The following PCDH15 variants were observed in gnomAD, a reference collection of about 807,000 sequenced individuals.
The protein encoded by PCDH15 is protocadherin-15.
A neutral mutation model predicts 178.5 loss-of-function variants in PCDH15; 129 were observed. The ratio of observed to expected loss-of-function variants is 0.72; its 90% CI spans 0.63 to 0.84. The LOEUF (loss-of-function observed/expected upper bound fraction) is 0.84, where lower values mean the gene tolerates loss of function less well. PCDH15 is among the 40% of genes least tolerant of loss of function. The pLI is 0.00. For synonymous variants in PCDH15, 800 were observed against 732.0 expected (o/e 1.09, Z -1.50); for missense variants, 2,230 against 2,099.9 (o/e 1.06, Z -1.21).
chr10:54,908,433 A>G (rs1231882245), intron 2 of PCDH15, among the ~76,000 whole-genome samples: 5 of 152,124 alleles, frequency 3.3e-5, no homozygotes, highest in Admixed American at 3.3e-4. Context: ...AGCCCTAAAT[A>G]GGCTGTCACA....
chr10:54,534,840 G>C, intron 2 of PCDH15, among the ~76,000 whole-genome samples: 1 of 152,258 alleles, frequency 6.6e-6, no homozygotes, highest in Middle Eastern at 3.4e-3. Context: ...ACACACAGGA[G>C]TGAAATCTTA....
chr10:55,271,858 T>C (rs1276203662), intron 1 of PCDH15, among the ~76,000 whole-genome samples: 1 of 151,878 alleles, frequency 6.6e-6, no homozygotes, highest in Non-Finnish European at 1.5e-5. Flanking sequence ...GAGATGCAAA[T>C]TTTCATTCAC....
At chr10:54,466,511 A>C (rs1488677026) in intron 3 of PCDH15, among the ~76,000 whole-genome samples, 2 of 151,766 alleles carry the variant, frequency 1.3e-5, no homozygotes, top group Admixed American at 6.6e-5. Context: ...TTTTTGGACA[A>C]TCTATTTCTG....
intron 2 of PCDH15, among the ~76,000 whole-genome samples, chr10:55,075,366 A>ATTTT (rs34779284): frequency 0.01 from 1,335 of 132,274 alleles, 24 homozygotes; most frequent in African/African-American, 0.036. Context: ...TTTTGTTTAA[A>ATTTT]TTTTTTTTTT....
At chr10:54,642,296 T>C (rs940381869) in intron 2 of PCDH15, among the ~76,000 whole-genome samples, 1 of 152,230 alleles carries the variant, frequency 6.6e-6, no homozygotes, top group Non-Finnish European at 1.5e-5. Context: ...TCCAGAACTA[T>C]GAACAATAAT....
intron 13 of PCDH15, among the ~76,000 whole-genome samples, chr10:54,181,835 C>G (rs1317727279): frequency 6.6e-6 from 1 of 152,150 alleles, no homozygotes; most frequent in African/African-American, 2.4e-5. Flanking sequence ...GGTGAATTCC[C>G]AGTCCCCAGG....
intron 3 of PCDH15, among the ~76,000 whole-genome samples, chr10:54,428,201 A>G (rs1565249603): frequency 6.6e-6 from 1 of 152,094 alleles, no homozygotes; most frequent in Admixed American, 6.5e-5. Context: ...AAATGAACTA[A>G]CCTGCCCAAA....
At chr10:54,343,621 T>G (rs908971193) in intron 6 of PCDH15, among the ~76,000 whole-genome samples, 53 of 148,590 alleles carry the variant, frequency 3.6e-4, no homozygotes, top group African/African-American at 1.3e-3. Context: ...TAAAAAGAGT[T>G]GCTTAAGTTC....
At chr10:54,459,519 T>C (rs900048726) in intron 3 of PCDH15, among the ~76,000 whole-genome samples, 1 of 152,000 alleles carries the variant, frequency 6.6e-6, no homozygotes, top group African/African-American at 2.4e-5. Context: ...CAGTATAAAA[T>C]TCTTAGGTTA....
chr10:55,417,382 A>T (rs1054016139), intron 2 of PCDH15, among the ~76,000 whole-genome samples: 1 of 151,720 alleles, frequency 6.6e-6, no homozygotes, highest in Non-Finnish European at 1.5e-5. Flanking sequence ...TTTACCTTTG[A>T]AGTGCTTAGG....
chr10:55,221,473 T>C (rs2132184466), intron 1 of PCDH15, among the ~76,000 whole-genome samples: 1 of 152,298 alleles, frequency 6.6e-6, no homozygotes, highest in South Asian at 2.1e-4. Flanking sequence ...CTGGTATCTG[T>C]TGATATTATT....
intron 3 of PCDH15, among the ~76,000 whole-genome samples, chr10:54,381,735 C>T (rs1057383161): frequency 3.3e-5 from 5 of 151,868 alleles, no homozygotes; most frequent in Non-Finnish European, 7.4e-5. Context: ...ATAGGTAATA[C>T]CCAAGATGGG....
intron 2 of PCDH15, among the ~76,000 whole-genome samples, chr10:55,385,184 C>T (rs556502590): frequency 2.0e-5 from 3 of 152,076 alleles, no homozygotes; most frequent in African/African-American, 4.8e-5. Flanking sequence ...TAAACAATGT[C>T]GTATATGTAA....
intron 3 of PCDH15, among the ~76,000 whole-genome samples, chr10:54,496,465 A>C (rs1221319332): frequency 1.3e-5 from 2 of 152,178 alleles, no homozygotes; most frequent in Non-Finnish European, 2.9e-5. Flanking sequence ...CAGTTGAAAG[A>C]GAGAAGCTGA....
intron 8 of PCDH15, among the ~76,000 whole-genome samples, chr10:54,268,554 T>TA (rs2057842908): frequency 6.6e-6 from 1 of 151,916 alleles, no homozygotes; most frequent in Non-Finnish European, 1.5e-5. Context: ...CTGTGATGCA[T>TA]ATATACCATG....
intron 8 of PCDH15, among the ~76,000 whole-genome samples, chr10:54,253,567 T>C (rs1284642926): frequency 6.6e-6 from 1 of 152,082 alleles, no homozygotes; most frequent in East Asian, 1.9e-4. Context: ...ACATTTTTAG[T>C]TTCATTTACA....
chr10:55,015,383 T>C (rs1840147690), intron 2 of PCDH15, among the ~76,000 whole-genome samples: 1 of 152,010 alleles, frequency 6.6e-6, no homozygotes, highest in Admixed American at 6.6e-5. Flanking sequence ...TTATTCATTA[T>C]AGAGACACAA....
intron 13 of PCDH15, among the ~76,000 whole-genome samples, chr10:54,163,029 A>G (rs1379527689): frequency 1.3e-5 from 2 of 152,046 alleles, no homozygotes; most frequent in Admixed American, 6.6e-5. Flanking sequence ...GTAAAGTTAT[A>G]TGGTGACCCC....
At chr10:55,011,734 G>GT (rs1291135233) in intron 2 of PCDH15, among the ~76,000 whole-genome samples, 1 of 151,966 alleles carries the variant, frequency 6.6e-6, no homozygotes, top group African/African-American at 2.4e-5. Context: ...AATAAGAGGA[G>GT]TGGAAAGACA....
Sources: allele counts gnomAD v4.1 joint callset (sites outside exome capture counted in the v4.1 genomes callset), GRCh38; gene constraint gnomAD v4.1.1; transcripts MANE v1.5; gene names NCBI Gene and HGNC (gene_info 2026-07-23, HGNC 2026-07-21).